Variants in ACSM2B observed in about 807,000 individuals in gnomAD.
The protein encoded by ACSM2B is acyl-coenzyme A synthetase ACSM2B, mitochondrial.
In ACSM2B, 58 loss-of-function variants were observed where a neutral mutation model predicts 78.6. That is an observed-to-expected ratio of 0.74 (90% CI 0.60 to 0.92). The LOEUF (loss-of-function observed/expected upper bound fraction) is 0.92. Ranked by LOEUF, ACSM2B falls within the 40% of genes least tolerant of loss-of-function variation. ACSM2B has a pLI of 0.00. For missense variants in ACSM2B, 688 were observed against 711.2 expected (o/e 0.97, Z 0.37); for synonymous variants, 257 against 256.8 (o/e 1.00, Z -0.01).
rs2015169235 is a variant in ACSM2B at position 20,547,234 on chromosome 16, A to G, written c.1099-760T>C. The stretch of plus-strand genomic sequence containing the variant: ...TGGGAATCTGAGTGTCCTTGTAAGC[A>G]TATTCTAAACATGTCCTCCTCTGAA... On this transcript the variant is annotated intron_variant, in intron 8 of 13. Transcript: ENST00000329697. 1.1e-5 allele frequency: 11 copies of G among 986,038 alleles called. No homozygotes were observed. The South Asian group carries it at 5.2e-4, about 46-fold the overall frequency. 61.1% of individuals were successfully genotyped at this position (986,038 alleles called of 1,614,324 possible).
At chr16:20,557,446 A>G (rs2015509393) in intron 3 of ACSM2B, among the ~76,000 whole-genome samples, 1 of 151,808 alleles carries the variant, frequency 6.6e-6, no homozygotes, top group South Asian at 2.1e-4. Flanking sequence ...CTCCATCTCT[A>G]CTACCTCAAC....
chr16:20,553,677 C>T, intron 5 of ACSM2B, 100 bp downstream of exon 5: 2 of 1,513,358 alleles, frequency 1.3e-6, no homozygotes, highest in South Asian at 2.7e-5. Context: ...TTCTCAGAAC[C>T]ACAAGGTGGT....
chr16:20,545,679 C>T (rs1033938534), intron 9 of ACSM2B, among the ~76,000 whole-genome samples: 5 of 152,152 alleles, frequency 3.3e-5, no homozygotes, highest in African/African-American at 9.7e-5. Flanking sequence ...ATACTGACAG[C>T]TTATTTCACA....
At chr16:20,555,228 A>T in intron 4 of ACSM2B, 41 bp downstream of exon 4, 1 of 1,612,916 alleles carries the variant, frequency 6.2e-7, no homozygotes, top group Non-Finnish European at 8.5e-7. Flanking sequence ...CTCTGTTTCC[A>T]GTTTTAGTTA....
At chr16:20,549,164 A>C (rs2015230512) in intron 6 of ACSM2B, among the ~76,000 whole-genome samples, 1 of 152,194 alleles carries the variant, frequency 6.6e-6, no homozygotes, top group South Asian at 2.1e-4. Context: ...CATTATTTGC[A>C]GCATGTATTC....
intron 1 of ACSM2B, among the ~76,000 whole-genome samples, chr16:20,570,721 A>G (rs7499419): frequency 0.054 from 8,120 of 151,386 alleles, 732 homozygotes; most frequent in African/African-American, 0.19. Context: ...TGTTGTTGAT[A>G]ATTTTTGTAT....
At chr16:20,541,210 G>C (rs1289990072) in intron 12 of ACSM2B, 2 of 163,794 alleles carry the variant, frequency 1.2e-5, no homozygotes, top group East Asian at 3.4e-4. Flanking sequence ...GCTCAGAGCT[G>C]GGCACACAGG....
chr16:20,567,655 A>G (rs1213740201), intron 1 of ACSM2B, among the ~76,000 whole-genome samples: 1 of 137,496 alleles, frequency 7.3e-6, no homozygotes, highest in Non-Finnish European at 1.5e-5. Context: ...CTATGCTATT[A>G]TATATATACT....
intron 1 of ACSM2B, among the ~76,000 whole-genome samples, 157 bp from the exon 2 acceptor site, chr16:20,565,010 G>A (rs535674295): frequency 2.6e-5 from 4 of 152,006 alleles, no homozygotes; most frequent in Non-Finnish European, 5.9e-5. Flanking sequence ...ATCTGTTTCA[G>A]TCTCCTTGTG....
At chr16:20,553,634 C>G in intron 5 of ACSM2B, 143 bp downstream of exon 5, 1 of 1,322,540 alleles carries the variant, frequency 7.6e-7, no homozygotes, top group Non-Finnish European at 1.0e-6. Context: ...CATGTGAAGC[C>G]ATGTCCTCTT....
At chr16:20,551,337 T>C (rs5012623) in intron 6 of ACSM2B, among the ~76,000 whole-genome samples, 49,283 of 151,892 alleles carry the variant, frequency 0.32, 9,437 homozygotes, top group East Asian at 0.86. Context: ...ACCCTCAACT[T>C]GATGGTATTT....
chr16:20,559,718 A>C (rs1291030380), intron 2 of ACSM2B, among the ~76,000 whole-genome samples: 2 of 137,652 alleles, frequency 1.5e-5, no homozygotes, highest in Non-Finnish European at 2.9e-5. Context: ...ATTAGCATGC[A>C]TAATTTTTTT....
intron 2 of ACSM2B, among the ~76,000 whole-genome samples, chr16:20,563,418 C>T (rs2015726887): frequency 6.6e-6 from 1 of 151,934 alleles, no homozygotes; most frequent in Non-Finnish European, 1.5e-5. Flanking sequence ...AATATTTTCT[C>T]CATGGTTTTC....
intron 12 of ACSM2B, 52 bp from the exon 13 acceptor site, chr16:20,540,825 T>C (rs774626171): frequency 1.1e-5 from 18 of 1,587,786 alleles, no homozygotes; most frequent in East Asian, 2.3e-5. Flanking sequence ...TGTAGTCATC[T>C]CCTGGAATAA....
rs140175723 is a variant in ACSM2B, at chr16:20,549,431, T to C, written c.895-958A>G. Reference sequence around the variant, plus strand: ...GGGCATCACATGGCAAAGGGGCTCATGAGGTAGAGCAAAACTGGCTTTTGG... The same window carrying C: ...GGGCATCACATGGCAAAGGGGCTCACGAGGTAGAGCAAAACTGGCTTTTGG... On this transcript the variant is annotated intron_variant, in intron 6 of 13. Transcript: ENST00000329697. 3.8e-3 allele frequency among the ~76,000 whole-genome samples: 572 copies of C among 152,054 alleles called. 5 individuals are homozygous for C. Among genetic ancestry groups the C allele is most frequent in the African/African-American group, 0.013 (553 of 41,468 alleles).
At chr16:20,549,998 A>ATT (rs71377665) in intron 6 of ACSM2B, 152 of 265,934 alleles carry the variant, frequency 5.7e-4, no homozygotes, top group East Asian at 2.9e-3. Context: ...ATAGGTTTTA[A>ATT]TTTTTTTTTA....
rs1185345982 is a variant in ACSM2B at position 20,557,729 on chromosome 16, C to A, written c.388+1508G>T. Among the ~76,000 whole-genome samples the A allele has an allele frequency of 6.6e-5, 10 of 152,204 alleles. No individual in the cohort carries two copies. In the East Asian group the frequency reaches 9.6e-4, roughly 15 times the overall value. ...CTACATGTTCATTCTATTGCCACTA[C>A]TTTCTTTTATGGCCTGGACTTCAGG... On this transcript the variant is annotated intron_variant, in intron 3 of 13. Transcript: ENST00000329697.
intron 5 of ACSM2B, 88 bp downstream of exon 5, chr16:20,553,689 A>T: frequency 1.3e-6 from 2 of 1,529,614 alleles, no homozygotes; most frequent in Non-Finnish European, 8.8e-7. Context: ...CAAGGTGGTG[A>T]CACAGCCCAG....
At chr16:20,537,752 A>G (rs2014884274) in intron 13 of ACSM2B, among the ~76,000 whole-genome samples, 1 of 152,176 alleles carries the variant, frequency 6.6e-6, no homozygotes, top group African/African-American at 2.4e-5. Context: ...TAGCAACTTC[A>G]TTGGGTGATT....
Sources: allele counts gnomAD v4.1 joint callset (sites outside exome capture counted in the v4.1 genomes callset), GRCh38; gene constraint gnomAD v4.1.1; transcripts MANE v1.5; gene names NCBI Gene and HGNC (gene_info 2026-07-23, HGNC 2026-07-21).